BSN: variants seen among roughly 807,000 people sequenced by gnomAD.
BSN encodes the protein bassoon presynaptic cytomatrix protein, also known as protein bassoon.
BSN carries 57 observed loss-of-function variants against 264.8 expected under a neutral mutation model. The observed-to-expected ratio is 0.22, with a 90% CI of 0.17 to 0.27. The LOEUF (loss-of-function observed/expected upper bound fraction) is 0.27. Among genes scored for constraint, BSN ranks in the 10% least tolerant of loss-of-function variants. The pLI, the probability that BSN is intolerant of heterozygous loss-of-function variation, is 1.00. For missense variants in BSN, 4,615 were observed against 5,232.5 expected (o/e 0.88, Z 3.64); for synonymous variants, 2,059 against 2,137.3 (o/e 0.96, Z 1.01).
intron 1 of BSN, among the ~76,000 whole-genome samples, chr3:49,598,594 G>A (rs965005271): frequency 1.3e-5 from 2 of 152,122 alleles, no homozygotes; most frequent in Non-Finnish European, 2.9e-5. Context: ...ACCATGCCTG[G>A]CCTTTTTGTA....
chr3:49,613,926 C>G (rs2052234367), intron 1 of BSN, among the ~76,000 whole-genome samples: 1 of 152,074 alleles, frequency 6.6e-6, no homozygotes, highest in Non-Finnish European at 1.5e-5. Flanking sequence ...GATAAATTCC[C>G]TAAGACATAC....
chr3:49,631,231 G>A (rs901570900), intron 2 of BSN, among the ~76,000 whole-genome samples: 4 of 152,060 alleles, frequency 2.6e-5, no homozygotes, highest in Middle Eastern at 6.8e-3. Flanking sequence ...GAGGGCTATG[G>A]CGGGTGCTGT....
rs1016264833 is a variant in BSN, at chr3:49,654,904, C to G, written c.5348C>G (p.Thr1783Arg). Residue 1783 changes from threonine (T) to arginine (R), a missense_variant, in exon 5 of 12, where the codon ACA becomes AGA. This residue lies in a region of BSN where 3,415 missense variants were observed against 3,866.4 expected (regional missense o/e 0.88). Coordinates refer to ENST00000296452, the MANE Select transcript of BSN (RefSeq NM_003458.4). This position sits in a 1 kb window ranked among gnomAD's most constrained non-coding sequence, Gnocchi z 4.1. ...AAACAAGTAGAGCAGGCTGTCCAGACAGCCCCATACCGAAGTGGGCCCCGG... is the reference window on the plus strand; with the variant it reads ...AAACAAGTAGAGCAGGCTGTCCAGAGAGCCCCATACCGAAGTGGGCCCCGG... ...QVKQVEQAVQ[T>R]APYRSGPRGR... is the part of the protein sequence containing the mutation. 6.2e-7 allele frequency: 1 copy of G among 1,612,698 alleles called. No homozygotes were observed. Among genetic ancestry groups the G allele is most frequent in the Non-Finnish European group, 8.5e-7 (1 of 1,179,426 alleles).
downstream of BSN, among the ~76,000 whole-genome samples, chr3:49,672,556 C>A (rs990440175): frequency 2.0e-5 from 3 of 151,592 alleles, no homozygotes; most frequent in African/African-American, 7.3e-5. Context: ...TCTCGGCTCA[C>A]TGCAACCTCC....
intron 1 of BSN, among the ~76,000 whole-genome samples, chr3:49,578,695 C>T (rs1437912861): frequency 5.3e-5 from 8 of 151,936 alleles, no homozygotes; most frequent in African/African-American, 7.3e-5. Context: ...TGTGAACCAC[C>T]GCACCTGGCC....
chr3:49,615,868 T>G (rs1184529069), intron 1 of BSN, among the ~76,000 whole-genome samples: 1 of 152,130 alleles, frequency 6.6e-6, no homozygotes, highest in African/African-American at 2.4e-5. Flanking sequence ...GAGACTATTT[T>G]AAGGACTGGC....
chr3:49,633,813 T>G (rs939149393), intron 2 of BSN, among the ~76,000 whole-genome samples: 1 of 152,230 alleles, frequency 6.6e-6, no homozygotes, highest in Non-Finnish European at 1.5e-5. Flanking sequence ...AAGGACATTA[T>G]GCTAAGTGAA....
intron 1 of BSN, among the ~76,000 whole-genome samples, chr3:49,573,534 C>T (rs1222018520): frequency 6.6e-6 from 1 of 152,206 alleles, no homozygotes; most frequent in African/African-American, 2.4e-5. Flanking sequence ...CAGGAGCTCA[C>T]TGCCCCTCCC....
intron 1 of BSN, among the ~76,000 whole-genome samples, chr3:49,618,946 A>G (rs1021481188): frequency 1.3e-5 from 2 of 152,244 alleles, no homozygotes; most frequent in African/African-American, 4.8e-5. Context: ...TATAAAGAAT[A>G]TAAGAATACC....
intron 2 of BSN, among the ~76,000 whole-genome samples, chr3:49,627,853 T>A (rs1284957612): frequency 1.3e-5 from 2 of 152,070 alleles, no homozygotes. Flanking sequence ...TAGAAAAAGG[T>A]AGAGGTACTG....
intron 1 of BSN, among the ~76,000 whole-genome samples, chr3:49,563,160 T>C (rs1225632433): frequency 6.6e-6 from 1 of 152,110 alleles, no homozygotes; most frequent in Non-Finnish European, 1.5e-5. Flanking sequence ...GTGGCAGAGA[T>C]TTTTCAGAAT....
In BSN at chr3:49,628,083, G is replaced by T. The variant is rs532146610; in HGVS notation, c.633+2700G>T. 2.0e-5 allele frequency among the ~76,000 whole-genome samples: 3 copies of T among 152,208 alleles called. No homozygotes were observed. In the East Asian group the frequency reaches 5.8e-4, roughly 29 times the overall value. On this transcript the variant is annotated intron_variant, in intron 2 of 11. Coordinates refer to ENST00000296452, the MANE Select transcript of BSN (RefSeq NM_003458.4). ...GGATATAGCAGTCCCAGAGAAGGAC[G>T]TGGGCCACACAAGTGACATGGAGGC...
intron 9 of BSN, 100 bp from the exon 10 acceptor site, chr3:49,664,699 T>A (rs1231878053): frequency 2.3e-5 from 35 of 1,552,864 alleles, no homozygotes; most frequent in Non-Finnish European, 3.0e-5. Context: ...GGGCAATCTC[T>A]GCCCCTTGGG....
At chr3:49,584,692 A>C (rs2051921047) in intron 1 of BSN, among the ~76,000 whole-genome samples, 1 of 152,158 alleles carries the variant, frequency 6.6e-6, no homozygotes, top group African/African-American at 2.4e-5. Flanking sequence ...GACTATAGTC[A>C]CCTTGTTGTG....
intron 1 of BSN, among the ~76,000 whole-genome samples, chr3:49,557,983 A>G (rs2051687288): frequency 6.6e-6 from 1 of 152,218 alleles, no homozygotes; most frequent in African/African-American, 2.4e-5. Flanking sequence ...GAAAGGATAT[A>G]TAGTGCTTCC....
In BSN at chr3:49,660,542, C is replaced by G; in HGVS notation, c.8697C>G (p.Ser2899Arg). 1.9e-6 allele frequency: 3 copies of G among 1,575,266 alleles called. No homozygotes were observed. Among genetic ancestry groups the G allele is most frequent in the Non-Finnish European group, 2.6e-6 (3 of 1,159,164 alleles). Reference protein sequence around the residue: ...LVRKVKRTLPSPPPEEAHLPL... With the variant: ...LVRKVKRTLPRPPPEEAHLPL... ...GCAAGGTGAAGCGGACACTGCCCAG[C>G]CCCCCTCCAGAGGAGGCTCACCTTC... The change falls in exon 6 of 12, where the codon AGC (serine) becomes AGG (arginine). Residue 2899 changes from serine to arginine, a missense_variant. By Grantham distance (110) the Ser-to-Arg change is moderately radical (BLOSUM62 -1). Coordinates refer to ENST00000296452, the MANE Select transcript of BSN (RefSeq NM_003458.4). This position sits in a 1 kb window ranked among gnomAD's most constrained non-coding sequence, Gnocchi z 7.1.
intron 1 of BSN, among the ~76,000 whole-genome samples, chr3:49,616,475 C>T (rs1481270428): frequency 6.6e-6 from 1 of 152,222 alleles, no homozygotes; most frequent in Non-Finnish European, 1.5e-5. Flanking sequence ...CTCTTCTGGC[C>T]ACTCTGACTT....
chr3:49,663,403 G>A lies in BSN; in HGVS notation c.11245G>A (p.Gly3749Ser). ...ACCCCAGGCGCAGCCGCAGCTGCAA[G>A]GTCGGCAGGCAGCTCCAGGACCACA... is the stretch of plus-strand genomic sequence containing the variant. ...AEPQAQPQLQ[G>S]RQAAPGPQQS... Residue 3749 changes from glycine to serine, a missense_variant, in exon 7 of 12, where the codon GGT (glycine) becomes AGT (serine). Around this residue, in one of 3 missense-constraint regions of BSN, gnomAD observed 3,415 missense variants for 3,866.4 expected, o/e 0.88. Transcript: ENST00000296452. 1 of 1,612,898 alleles carries A rather than the reference G, an allele frequency of 6.2e-7. No individual in the cohort carries two copies. The highest frequency in any genetic ancestry group is 8.5e-7 in the Non-Finnish European group (1 of 1,179,996).
At chr3:49,572,071 T>A (rs2051801216) in intron 1 of BSN, among the ~76,000 whole-genome samples, 1 of 152,164 alleles carries the variant, frequency 6.6e-6, no homozygotes, top group Admixed American at 6.5e-5. Flanking sequence ...GCAGGTTGGA[T>A]CCCACAGACT....
Sources: allele counts gnomAD v4.1 joint callset (sites outside exome capture counted in the v4.1 genomes callset), GRCh38; gene constraint gnomAD v4.1.1; regional missense constraint gnomAD v4.1.1; non-coding constraint Gnocchi (gnomAD v3.1); transcripts MANE v1.5; gene names NCBI Gene and HGNC (gene_info 2026-07-23, HGNC 2026-07-21).